ESR2: variants seen among roughly 807,000 people sequenced by gnomAD.
ESR2 encodes the protein estrogen receptor 2.
In ESR2, 36 loss-of-function variants were observed where a neutral mutation model predicts 49.6. That is an observed-to-expected ratio of 0.73 (90% CI 0.56 to 0.96). ESR2 has a LOEUF of 0.96. ESR2 is among the 40% of genes least tolerant of loss of function. ESR2 has a pLI of 0.00. For missense variants in ESR2, 714 were observed against 693.0 expected (o/e 1.03, Z -0.34); for synonymous variants, 320 against 266.1 (o/e 1.20, Z -1.97).
chr14:64,269,937 T>C (rs1000265107), intron 3 of ESR2, among the ~76,000 whole-genome samples: 1 of 152,152 alleles, frequency 6.6e-6, no homozygotes, highest in Non-Finnish European at 1.5e-5. Context: ...CAGCCTGCTG[T>C]AGTTGTGCAA....
intron 7 of ESR2, 144 bp from the exon 8 acceptor site, chr14:64,235,294 TA>T (rs2075572055): frequency 2.5e-6 from 2 of 796,522 alleles, no homozygotes; most frequent in Non-Finnish European, 3.9e-6. Context: ...AGCATGGTCT[TA>T]CCTCCCCCAG....
intron 6 of ESR2, among the ~76,000 whole-genome samples, chr14:64,253,873 A>T (rs1292597914): frequency 1.3e-5 from 2 of 152,304 alleles, no homozygotes; most frequent in Non-Finnish European, 2.9e-5. Flanking sequence ...ACTTCCTCTG[A>T]CTAATAATTT....
At chr14:64,325,592 T>C (rs1307284229) in intron 1 of ESR2, among the ~76,000 whole-genome samples, 3 of 152,156 alleles carry the variant, frequency 2.0e-5, no homozygotes, top group African/African-American at 4.8e-5. Context: ...ATAATTAAGA[T>C]TGGAATTACA....
At chr14:64,249,805 T>TAACTAC (rs1306476529) in intron 6 of ESR2, 126 bp from the exon 7 acceptor site, 3 of 943,326 alleles carry the variant, frequency 3.2e-6, no homozygotes, top group Non-Finnish European at 4.7e-6. Context: ...AATATCATTT[T>TAACTAC]AACTACAACA....
At chr14:64,275,751 C>T (rs532741926) in intron 3 of ESR2, among the ~76,000 whole-genome samples, 1 of 152,056 alleles carries the variant, frequency 6.6e-6, no homozygotes, top group East Asian at 1.9e-4. Flanking sequence ...ATTGGTTCTT[C>T]CTTTAGACTT....
intron 1 of ESR2, among the ~76,000 whole-genome samples, chr14:64,325,773 A>G (rs1049320599): frequency 2.0e-5 from 3 of 152,144 alleles, no homozygotes; most frequent in African/African-American, 4.8e-5. Context: ...ATCCACTTCC[A>G]CTTAATGATT....
At chr14:64,246,330 G>C (rs936725905) in intron 7 of ESR2, among the ~76,000 whole-genome samples, 1 of 152,120 alleles carries the variant, frequency 6.6e-6, no homozygotes, top group Non-Finnish European at 1.5e-5. Context: ...GCTCTCCCAA[G>C]ATGTGATGGT....
intron 7 of ESR2, among the ~76,000 whole-genome samples, chr14:64,239,276 A>G (rs1267858871): frequency 1.3e-5 from 2 of 152,102 alleles, no homozygotes; most frequent in Non-Finnish European, 2.9e-5. Flanking sequence ...GGACCCCCGC[A>G]TCTTTCCTCA....
chr14:64,312,418 A>C (rs1226282796), intron 1 of ESR2, among the ~76,000 whole-genome samples: 2 of 152,196 alleles, frequency 1.3e-5, no homozygotes. Context: ...GCAGTGTCTC[A>C]CACCTGTAAT....
chr14:64,274,764 A>G (rs2076523192), intron 3 of ESR2, among the ~76,000 whole-genome samples: 1 of 152,122 alleles, frequency 6.6e-6, no homozygotes, highest in Non-Finnish European at 1.5e-5. Flanking sequence ...TCCTCTTAGT[A>G]CTGCTTTCAC....
Position 64,337,132 on chromosome 14 carries a change from A to G in ESR2, c.-91+766T>C, listed in dbSNP as rs577268898. Among the ~76,000 whole-genome samples the G allele has an allele frequency of 5.9e-5, 9 of 152,344 alleles. No individual in the cohort carries two copies. In the South Asian group the frequency reaches 1.9e-3, roughly 32 times the overall value. ...CACTCAATAATTATTTGCTCAGTAA[A>G]TGAATGGCTTGTACTGTTCACACTC... is the stretch of plus-strand genomic sequence containing the variant. On this transcript the variant is annotated intron_variant, in intron 1 of 8. Transcript: ENST00000358599.
intron 3 of ESR2, among the ~76,000 whole-genome samples, chr14:64,270,081 C>T (rs1404411004): frequency 6.6e-6 from 1 of 152,100 alleles, no homozygotes; most frequent in Non-Finnish European, 1.5e-5. Context: ...CATTTTAGTG[C>T]CTTTCTAATA....
At chr14:64,262,676 G>A (rs1026972856) in intron 4 of ESR2, among the ~76,000 whole-genome samples, 12 of 152,028 alleles carry the variant, frequency 7.9e-5, no homozygotes, top group African/African-American at 1.7e-4. Context: ...CGGGTGGGGC[G>A]GGAGGGGACG....
chr14:64,277,391 C>T (rs976555108), intron 3 of ESR2, among the ~76,000 whole-genome samples: 1 of 151,892 alleles, frequency 6.6e-6, no homozygotes, highest in Non-Finnish European at 1.5e-5. Context: ...TTTGGGAGGC[C>T]GAGGCGGGCG....
Position 64,230,583 on chromosome 14 carries a change from G to A in ESR2, c.*2554C>T, listed in dbSNP as rs1345504558. On this transcript the variant is annotated 3_prime_UTR_variant, in exon 9 of 9. Coordinates refer to ENST00000341099, the MANE Select transcript of ESR2 (RefSeq NM_001437.3). ...GATTTGTGACTAGGCTGACAGCTTT[G>A]TCTTGTGTTCCCGCCTTAATTTTTT... 6.6e-6 allele frequency among the ~76,000 whole-genome samples: 1 copy of A among 152,010 alleles called. No homozygotes were observed. Among genetic ancestry groups the A allele is most frequent in the Non-Finnish European group, 1.5e-5 (1 of 68,010 alleles).
chr14:64,310,011 G>A (rs1042237846), intron 1 of ESR2, among the ~76,000 whole-genome samples: 3 of 152,046 alleles, frequency 2.0e-5, no homozygotes, highest in African/African-American at 4.8e-5. Context: ...GCGTGAACCC[G>A]GGAAGCAGAG....
intron 1 of ESR2, among the ~76,000 whole-genome samples, chr14:64,285,630 C>A (rs148773333): frequency 0.016 from 2,474 of 152,056 alleles, 74 homozygotes; most frequent in Admixed American, 0.084. Flanking sequence ...GAGTTTGAGG[C>A]CAGCCTGGCC....
intron 4 of ESR2, 107 bp downstream of exon 4, chr14:64,268,688 T>C: frequency 1.4e-6 from 1 of 702,410 alleles, no homozygotes. Context: ...AATACTTAAT[T>C]ACTATGTCCC....
At position 64,294,105 on chromosome 14, in the gene ESR2, TC is replaced by T. The variant is rs2076917381; in HGVS notation, c.-164del. 1 of 152,346 alleles carries T rather than the reference TC, an allele frequency of 6.6e-6. No individual in the cohort carries two copies. The highest frequency in any genetic ancestry group is 1.5e-5 in the Non-Finnish European group (1 of 68,160). The allele number at this position is 152,346 out of a possible 1,614,324, so 9.4% of individuals were successfully genotyped here. On this transcript the variant is annotated 5_prime_UTR_variant, in exon 1 of 9. Transcript: ENST00000341099. Reference sequence around the variant, plus strand: ...TGCTTTTCCCGCATTAGGGGGGGTCTCCCGGCGCGCGCCCCGCCGCCACCTG... The same window carrying T: ...TGCTTTTCCCGCATTAGGGGGGGTCTCCGGCGCGCGCCCCGCCGCCACCTG...
Sources: gnomAD v4.1 joint callset for allele counts (sites outside exome capture counted in the v4.1 genomes callset) on GRCh38, gnomAD v4.1.1 for gene constraint, MANE v1.5 for transcripts, NCBI Gene and HGNC (gene_info 2026-07-23, HGNC 2026-07-21) for gene names.